Variants in GRXCR1 observed in about 807,000 individuals in gnomAD.
The protein encoded by GRXCR1 is glutaredoxin domain-containing cysteine-rich protein 1.
In GRXCR1, 27 loss-of-function variants were observed where a neutral mutation model predicts 27.3. The ratio of observed to expected loss-of-function variants is 0.99; its 90% CI spans 0.73 to 1.37. The LOEUF is 1.37. Among genes scored for constraint, GRXCR1 ranks in the 40% most tolerant of loss-of-function variants. GRXCR1 has a pLI of 0.00. For synonymous variants in GRXCR1, 122 were observed against 131.1 expected (o/e 0.93, Z 0.47); for missense variants, 379 against 354.4 (o/e 1.07, Z -0.56).
chr4:42,943,183 A>G (rs1747662895), intron 1 of GRXCR1, among the ~76,000 whole-genome samples: 1 of 152,130 alleles, frequency 6.6e-6, no homozygotes, highest in African/African-American at 2.4e-5. Context: ...AATAACACAT[A>G]TAGGTAAATT....
In GRXCR1 at chr4:42,944,984, C is replaced by T. The variant is rs914695128; in HGVS notation, c.385-17908C>T. Among the ~76,000 whole-genome samples the T allele has an allele frequency of 2.0e-5, 3 of 152,172 alleles. No homozygotes were observed. The South Asian group carries it at 6.2e-4, about 32-fold the overall frequency. On this transcript the variant is annotated intron_variant, in intron 1 of 3. Coordinates refer to ENST00000399770, the MANE Select transcript of GRXCR1 (RefSeq NM_001080476.3). ...TCAAAATTCATATATTGGAAAGTGT[C>T]TCCCAAGGTCATGGTAAAGGAGGTG... is the stretch of plus-strand genomic sequence containing the variant.
At chr4:42,950,022 A>G (rs1253471516) in intron 1 of GRXCR1, among the ~76,000 whole-genome samples, 4 of 152,340 alleles carry the variant, frequency 2.6e-5, no homozygotes, top group African/African-American at 9.6e-5. Flanking sequence ...AATGCACAGA[A>G]AGGGATTGGC....
intron 1 of GRXCR1, among the ~76,000 whole-genome samples, chr4:42,958,773 T>C (rs1641451144): frequency 6.6e-6 from 1 of 151,932 alleles, no homozygotes; most frequent in Non-Finnish European, 1.5e-5. Flanking sequence ...TAGATATTTC[T>C]CCGAAGAAGA....
At chr4:43,010,300 G>A (rs1441731967) in intron 2 of GRXCR1, among the ~76,000 whole-genome samples, 1 of 152,010 alleles carries the variant, frequency 6.6e-6, no homozygotes, top group Non-Finnish European at 1.5e-5. Flanking sequence ...CTACTCGGGA[G>A]GCTGAGGCAG....
At chr4:42,942,161 C>A (rs1205021753) in intron 1 of GRXCR1, among the ~76,000 whole-genome samples, 1 of 151,854 alleles carries the variant, frequency 6.6e-6, no homozygotes, top group Non-Finnish European at 1.5e-5. Flanking sequence ...GAAATTATTT[C>A]TACAAAATGC....
chr4:43,004,978 C>G lies in GRXCR1; in HGVS notation c.628-15376C>G, dbSNP rs1184256063. ...AGGGGTGGAATGACATGGTTTGGCT[C>G]TGTGTCCCCACCCAAATCTCATATC... On this transcript the variant is annotated intron_variant, in intron 2 of 3. Coordinates refer to ENST00000399770, the MANE Select transcript of GRXCR1 (RefSeq NM_001080476.3). 3.3e-5 allele frequency among the ~76,000 whole-genome samples: 5 copies of G among 152,258 alleles called. No individual in the cohort carries two copies. In the East Asian group the frequency reaches 9.7e-4, roughly 29 times the overall value.
At chr4:42,998,884 AT>A (rs536416177) in intron 2 of GRXCR1, among the ~76,000 whole-genome samples, 3 of 152,184 alleles carry the variant, frequency 2.0e-5, no homozygotes, top group Non-Finnish European at 4.4e-5. Context: ...TGATTGGCAA[AT>A]TGGTAGATTT....
chr4:42,954,776 ATAGAGAGTATGGT>A (rs562594450), intron 1 of GRXCR1, among the ~76,000 whole-genome samples: 252 of 152,258 alleles, frequency 1.7e-3, no homozygotes, highest in African/African-American at 5.9e-3. Context: ...TCAGAGCTGA[ATAGAGAGTATGGT>A]TAGAATGGAA....
intron 1 of GRXCR1, among the ~76,000 whole-genome samples, chr4:42,950,099 T>C (rs1280936878): frequency 1.3e-5 from 2 of 152,152 alleles, no homozygotes; most frequent in Non-Finnish European, 2.9e-5. Flanking sequence ...TAATCTTATA[T>C]AATATTGTAG....
chr4:42,956,361 A>T (rs1172333485), intron 1 of GRXCR1, among the ~76,000 whole-genome samples: 1 of 152,128 alleles, frequency 6.6e-6, no homozygotes, highest in Non-Finnish European at 1.5e-5. Context: ...GAGAAGAGGG[A>T]CAGCCATTAG....
At chr4:43,001,937 A>G (rs531431428) in intron 2 of GRXCR1, among the ~76,000 whole-genome samples, 7 of 152,374 alleles carry the variant, frequency 4.6e-5, no homozygotes, top group African/African-American at 9.6e-5. Context: ...TCAAGGGAAG[A>G]TACTATGCCT....
intron 1 of GRXCR1, among the ~76,000 whole-genome samples, chr4:42,924,855 G>A (rs1316341598): frequency 6.6e-6 from 1 of 152,062 alleles, no homozygotes; most frequent in African/African-American, 2.4e-5. Context: ...AGAGTAAGGT[G>A]CCATATTACA....
At chr4:43,005,429 T>C (rs958593060) in intron 2 of GRXCR1, among the ~76,000 whole-genome samples, 1 of 152,342 alleles carries the variant, frequency 6.6e-6, no homozygotes, top group Non-Finnish European at 1.5e-5. Context: ...TATAGCACAA[T>C]CTTCAGCTTT....
In GRXCR1 at chr4:42,892,884, G is replaced by A. The variant is rs1746264946; in HGVS notation, c.-383G>A. ...AATGAATAGTAGAGACATGTCCACT[G>A]CTCAGGTCCTTTTCAATGCCCACCA... On this transcript the variant is annotated 5_prime_UTR_variant, in exon 1 of 4. Coordinates refer to ENST00000399770, the MANE Select transcript of GRXCR1 (RefSeq NM_001080476.3). Among the ~76,000 whole-genome samples the A allele has an allele frequency of 1.3e-5, 2 of 152,214 alleles. No individual in the cohort carries two copies. The highest frequency in any genetic ancestry group is 1.3e-4 in the Admixed American group (2 of 15,268).
Position 42,926,692 on chromosome 4 carries a change from T to C in GRXCR1, c.384+33042T>C, listed in dbSNP as rs1747166144. On this transcript the variant is annotated intron_variant, in intron 1 of 3. Coordinates refer to ENST00000399770, the MANE Select transcript of GRXCR1 (RefSeq NM_001080476.3). The stretch of plus-strand genomic sequence containing the variant: ...GCAGATCATATTTGACACCAAAACC[T>C]GTAGCTGACTTATGCTCTAATTGGG... 2.6e-5 allele frequency among the ~76,000 whole-genome samples: 4 copies of C among 152,112 alleles called. No individual in the cohort carries two copies. The South Asian group carries it at 8.3e-4, about 32-fold the overall frequency.
intron 2 of GRXCR1, among the ~76,000 whole-genome samples, chr4:43,009,751 C>G (rs559206879): frequency 7.0e-6 from 1 of 142,306 alleles, no homozygotes; most frequent in African/African-American, 2.6e-5. Flanking sequence ...AACCTAATCA[C>G]CCCCCCAAAT....
chr4:42,934,778 C>G (rs1238374872), intron 1 of GRXCR1, among the ~76,000 whole-genome samples: 1 of 151,934 alleles, frequency 6.6e-6, no homozygotes, highest in Non-Finnish European at 1.5e-5. Flanking sequence ...CATACAGATT[C>G]ATGTCTGAAT....
At chr4:43,002,392 A>C (rs1314621389) in intron 2 of GRXCR1, among the ~76,000 whole-genome samples, 1 of 152,192 alleles carries the variant, frequency 6.6e-6, no homozygotes, top group Non-Finnish European at 1.5e-5. Flanking sequence ...GACCTTTATC[A>C]AGTATACTGC....
Position 42,893,635 on chromosome 4 carries a change from G to A in GRXCR1, c.369G>A (p.Leu123=), listed in dbSNP as rs1411966703. Residue 123 remains leucine, a synonymous_variant, in exon 1 of 4, where the codon TTG becomes TTA. Transcript: ENST00000399770. ...CTGGCCAGGCTCTATTTAACAATTT[G>A]ACCAAAGTATTACAGGTAAGTCATT... ...VSAGQALFNN[L]TKVLQQPSTD... 17 of 1,613,134 alleles carry A rather than the reference G, an allele frequency of 1.1e-5. No individual in the cohort carries two copies. Among genetic ancestry groups the A allele is most frequent in the Non-Finnish European group, 1.4e-5 (16 of 1,179,676 alleles).
Sources: allele counts gnomAD v4.1 joint callset (sites outside exome capture counted in the v4.1 genomes callset), GRCh38; gene constraint gnomAD v4.1.1; transcripts MANE v1.5; gene names NCBI Gene and HGNC (gene_info 2026-07-23, HGNC 2026-07-21).